Variants in PIK3C3 observed in about 807,000 individuals in gnomAD.
The protein encoded by PIK3C3 is PI3-kinase type 3.
A neutral mutation model predicts 126.1 loss-of-function variants in PIK3C3; 95 were observed. That is an observed-to-expected ratio of 0.75 (90% CI 0.64 to 0.89). The LOEUF is 0.89. Among genes scored for constraint, PIK3C3 ranks in the 40% least tolerant of loss-of-function variants. PIK3C3 has a pLI of 0.00. For missense variants in PIK3C3, 829 were observed against 1,063.2 expected, an observed-to-expected ratio of 0.78 and a Z score of 3.06; for synonymous variants, 374 against 360.0, an observed-to-expected ratio of 1.04 and a Z score of -0.44.
chr18:42,076,127 TATATATATATATATATGCGC>T (rs1985990438), intron 24 of PIK3C3, among the ~76,000 whole-genome samples: 3 of 75,848 alleles, frequency 4.0e-5, no homozygotes, highest in South Asian at 3.8e-4. Flanking sequence ...TATATGCGCA[TATATATATATATATATGCGC>T]ATATATATAT....
intron 4 of PIK3C3, among the ~76,000 whole-genome samples, chr18:41,971,813 T>C (rs931870987): frequency 1.3e-5 from 2 of 152,020 alleles, no homozygotes; most frequent in African/African-American, 4.8e-5. Flanking sequence ...GAGTAGCCAT[T>C]ATGATTCATA....
intron 6 of PIK3C3, 96 bp from the exon 7 acceptor site, chr18:41,993,174 A>G: frequency 1.6e-6 from 1 of 625,690 alleles, no homozygotes; most frequent in East Asian, 2.9e-5. Context: ...AATGATGTTC[A>G]TCAAATAGAA....
At chr18:42,010,511 G>A (rs549188729) in intron 10 of PIK3C3, among the ~76,000 whole-genome samples, 2 of 152,176 alleles carry the variant, frequency 1.3e-5, no homozygotes, top group African/African-American at 2.4e-5. Flanking sequence ...GATTACAGGC[G>A]TATGCCACTG....
intron 22 of PIK3C3, among the ~76,000 whole-genome samples, chr18:42,061,198 C>T (rs1296586151): frequency 6.6e-6 from 1 of 152,186 alleles, no homozygotes; most frequent in East Asian, 1.9e-4. Context: ...AATTATATCA[C>T]ATTCCATCTT....
At position 42,067,456 on chromosome 18, in the gene PIK3C3, T is replaced by C; in HGVS notation, c.2592T>C (p.Asp864=). 1 of 1,613,658 alleles carries C rather than the reference T, an allele frequency of 6.2e-7. No homozygotes were observed. Among genetic ancestry groups the C allele is most frequent in the Non-Finnish European group, 8.5e-7 (1 of 1,179,512 alleles). ...TGCATTACATGCAGAGTCTGATTGATGAGAGTGTCCATGCTCTTTTTGCTG... is the reference window on the plus strand; with the variant it reads ...TGCATTACATGCAGAGTCTGATTGACGAGAGTGTCCATGCTCTTTTTGCTG... ...EAVHYMQSLI[D]ESVHALFAAV... is the part of the protein sequence containing the mutation. Residue 864 remains aspartate, a synonymous_variant, in exon 24 of 25, where the codon GAT becomes GAC. Transcript: ENST00000262039.
Position 42,081,123 on chromosome 18 carries a change from T to C in PIK3C3, c.2650T>C (p.Tyr884His). ...VVEQIHKFAQ[Y>H]WRK ...GTTTATTTCTTTTTAATTTTTGTAG[T>C]ACTGGAGAAAATGAAACTGGGATTG... The change falls in exon 25 of 25, where the codon TAC (tyrosine) becomes CAC (histidine). Residue 884 changes from tyrosine to histidine, a missense_variant and splice_region_variant. By Grantham distance (83) the Tyr-to-His change is moderately conservative. This residue lies in a region of PIK3C3 where 196 missense variants were observed against 312.8 expected (regional missense o/e 0.63). Transcript: ENST00000262039. 1 of 1,546,224 alleles carries C rather than the reference T, an allele frequency of 6.5e-7. No homozygotes were observed. Among genetic ancestry groups the C allele is most frequent in the Non-Finnish European group, 8.9e-7 (1 of 1,124,330 alleles).
rs1979856872 is a variant in PIK3C3 at position 41,957,700 on chromosome 18, G to A, written c.199G>A (p.Gly67Arg). The change falls in exon 2 of 25, where the codon GGG (glycine) becomes AGG (arginine). Residue 67 changes from glycine (G) to arginine (R), a missense_variant. Coordinates refer to ENST00000262039, the MANE Select transcript of PIK3C3 (RefSeq NM_002647.4). ...LYVTCQVFAE[G>R]KPLALPVRTS... ...TGTTACTTGTCAAGTTTTTGCAGAA[G>A]GGAAGCCTTTGGCCTTGCCAGTGAG... 1.9e-6 allele frequency: 3 copies of A among 1,613,810 alleles called. No homozygotes were observed. The highest frequency in any genetic ancestry group is 2.5e-6 in the Non-Finnish European group (3 of 1,179,908).
At chr18:41,975,313 A>C (rs770608722) in intron 4 of PIK3C3, among the ~76,000 whole-genome samples, 4 of 152,240 alleles carry the variant, frequency 2.6e-5, no homozygotes, top group Non-Finnish European at 4.4e-5. Context: ...CACAAGTCGC[A>C]TGTAGCAATT....
At chr18:41,956,305 C>CT (rs2144281123) in intron 1 of PIK3C3, among the ~76,000 whole-genome samples, 1 of 152,234 alleles carries the variant, frequency 6.6e-6, no homozygotes, top group South Asian at 2.1e-4. Context: ...AAATACTTTA[C>CT]TTTTTAGTTT....
Position 42,081,175 on chromosome 18 carries a change from G to T in PIK3C3, c.*38G>T. The stretch of plus-strand genomic sequence containing the variant: ...CCCATCAAGATGCTTGGCTCAATAA[G>T]AAAACCACGTTAGGAGCAACCTTTG... On this transcript the variant is annotated 3_prime_UTR_variant, in exon 25 of 25. Coordinates refer to ENST00000262039, the MANE Select transcript of PIK3C3 (RefSeq NM_002647.4). 2 of 1,508,844 alleles carry T rather than the reference G, an allele frequency of 1.3e-6. No individual in the cohort carries two copies. Among genetic ancestry groups the T allele is most frequent in the East Asian group, 2.3e-5 (1 of 43,978 alleles). 93.5% of individuals were successfully genotyped at this position (1,508,844 alleles called of 1,614,324 possible). A position where few individuals can be genotyped will look rare whatever the true frequency, so the allele number is the denominator to read the frequency against.
intron 24 of PIK3C3, among the ~76,000 whole-genome samples, chr18:42,078,277 T>A (rs959754685): frequency 6.8e-6 from 1 of 147,578 alleles, no homozygotes; most frequent in Non-Finnish European, 1.5e-5. Flanking sequence ...CTCGGGAGGC[T>A]GAGGCAGGAG....
rs1443513877 is a variant in PIK3C3, at chr18:42,004,545, CATT to C, written c.1170+11_1170+13del. The C allele has an allele frequency of 6.3e-7, 1 of 1,580,780 alleles. No homozygotes were observed. Among genetic ancestry groups the C allele is most frequent in the Non-Finnish European group, 8.6e-7 (1 of 1,168,870 alleles). ...GTTGCGACAGGCCGATGATGAGGTG[CATT>C]ATTATTTATTATTCTGCTTCAATGG... On this transcript the variant is annotated splice_donor_5th_base_variant and intron_variant, in intron 10 of 24. Transcript: ENST00000262039.
chr18:42,073,708 G>A (rs183733258), intron 24 of PIK3C3, among the ~76,000 whole-genome samples: 29 of 143,960 alleles, frequency 2.0e-4, no homozygotes, highest in African/African-American at 7.3e-4. Flanking sequence ...CTCCTCAAGG[G>A]CTTTTCTTGA....
chr18:42,014,853 T>C (rs1982997478), intron 11 of PIK3C3, among the ~76,000 whole-genome samples: 1 of 152,192 alleles, frequency 6.6e-6, no homozygotes, highest in South Asian at 2.1e-4. Context: ...AATTTTTCTT[T>C]CCCAGGTTAC....
At chr18:42,072,149 CTT>C (rs1385785963) in intron 24 of PIK3C3, among the ~76,000 whole-genome samples, 2 of 152,074 alleles carry the variant, frequency 1.3e-5, no homozygotes, top group African/African-American at 4.8e-5. Context: ...TTTTTTGTCA[CTT>C]GTAGTCATCT....
At chr18:41,988,497 A>ATG in intron 5 of PIK3C3, among the ~76,000 whole-genome samples, 1 of 152,248 alleles carries the variant, frequency 6.6e-6, no homozygotes, top group Admixed American at 6.5e-5. Context: ...GTTAGGCCTA[A>ATG]TGTTCCACAT....
At chr18:41,989,852 A>C (rs1186371811) in intron 5 of PIK3C3, among the ~76,000 whole-genome samples, 4 of 152,196 alleles carry the variant, frequency 2.6e-5, no homozygotes, top group Non-Finnish European at 5.9e-5. Flanking sequence ...AATTATATAA[A>C]TAACTTTTTT....
intron 4 of PIK3C3, among the ~76,000 whole-genome samples, chr18:41,973,091 G>T (rs981453042): frequency 3.3e-5 from 5 of 152,038 alleles, no homozygotes; most frequent in African/African-American, 1.2e-4. Context: ...GATTCTAAAA[G>T]TACTGATATA....
intron 24 of PIK3C3, among the ~76,000 whole-genome samples, chr18:42,072,139 T>A (rs1161190162): frequency 6.6e-6 from 1 of 152,210 alleles, no homozygotes; most frequent in African/African-American, 2.4e-5. Context: ...TGGCATCTAT[T>A]TTTTTGTCAC....
Sources: allele counts gnomAD v4.1 joint callset (sites outside exome capture counted in the v4.1 genomes callset), GRCh38; gene constraint gnomAD v4.1.1; regional missense constraint gnomAD v4.1.1; transcripts MANE v1.5; gene names NCBI Gene and HGNC (gene_info 2026-07-23, HGNC 2026-07-21).